The following TRANK1 variants were observed in gnomAD, a reference collection of about 807,000 sequenced individuals.
TRANK1 encodes the protein TPR and ankyrin repeat-containing protein 1.
In TRANK1, 198 loss-of-function variants were observed where a neutral mutation model predicts 266.0. That is an observed-to-expected ratio of 0.74 (90% confidence interval 0.66 to 0.84). The LOEUF (loss-of-function observed/expected upper bound fraction) is 0.84, where lower values mean the gene tolerates loss of function less well. Ranked by LOEUF, TRANK1 falls within the 40% of genes least tolerant of loss-of-function variation. The pLI is 0.00. For synonymous variants in TRANK1, 1,396 were observed against 1,384.1 expected, an observed-to-expected ratio of 1.01 and a Z score of -0.19; for missense variants, 3,326 against 3,634.6, an observed-to-expected ratio of 0.92 and a Z score of 2.18.
At chr3:36,927,142 T>C (rs1269566796) in intron 1 of TRANK1, among the ~76,000 whole-genome samples, 1 of 152,192 alleles carries the variant, frequency 6.6e-6, no homozygotes, top group Non-Finnish European at 1.5e-5. Flanking sequence ...CGACTCTGCC[T>C]AATTTAACTC....
At position 36,856,049 on chromosome 3, in the gene TRANK1, G is replaced by T; in HGVS notation, c.3673C>A (p.Leu1225Met). The T allele has an allele frequency of 6.2e-7, 1 of 1,613,874 alleles. No homozygotes were observed. Among genetic ancestry groups the T allele is most frequent in the African/African-American group, 1.3e-5 (1 of 74,998 alleles). Residue 1225 changes from leucine (L) to methionine (M), a missense_variant, in exon 13 of 24, where the codon CTG (leucine) becomes ATG (methionine). Coordinates refer to ENST00000645898, the MANE Select transcript of TRANK1 (RefSeq NM_001329998.2). ...STKATSHYKPLDPNIHKLQDL... is the reference protein window; with the variant it reads ...STKATSHYKPMDPNIHKLQDL... ...TGGAGTTTGTGAATGTTGGGGTCCA[G>T]TGGTTTGTAATGACTAGTGGCCTTG...
At chr3:36,888,057 G>C (rs1442781472) in intron 8 of TRANK1, among the ~76,000 whole-genome samples, 1 of 152,122 alleles carries the variant, frequency 6.6e-6, no homozygotes, top group Non-Finnish European at 1.5e-5. Context: ...ATTTACAGCA[G>C]CATTATTCAT....
intron 18 of TRANK1, 123 bp downstream of exon 18, chr3:36,842,499 A>G (rs914473728): frequency 1.2e-6 from 1 of 811,842 alleles, no homozygotes; most frequent in African/African-American, 1.7e-5. Flanking sequence ...ATGTTTCAGA[A>G]CACGTGGCAC....
intron 10 of TRANK1, 100 bp downstream of exon 10, chr3:36,864,219 A>G: frequency 7.8e-7 from 1 of 1,284,464 alleles, no homozygotes; most frequent in Non-Finnish European, 1.0e-6. Context: ...TAGATACATT[A>G]TTTTTATTTT....
intron 1 of TRANK1, among the ~76,000 whole-genome samples, chr3:36,918,919 A>AC (rs1205242532): frequency 6.6e-6 from 1 of 152,216 alleles, no homozygotes; most frequent in African/African-American, 2.4e-5. Context: ...GGCCCCGCTG[A>AC]CAAGATGACA....
In TRANK1 at chr3:36,857,865, G is replaced by A; in HGVS notation, c.1857C>T (p.Ile619=). 1.9e-6 allele frequency: 3 copies of A among 1,613,176 alleles called. No individual in the cohort carries two copies. The highest frequency in any genetic ancestry group is 2.5e-6 in the Non-Finnish European group (3 of 1,179,806). ...KLLDLLVKFD[I]NFNLKNKEGK... ...CCTCTTTGTTCTTCAGATTGAAGTTGATGTCAAACTTCACCAGCAGGTCTA... is the reference window on the plus strand; with the variant it reads ...CCTCTTTGTTCTTCAGATTGAAGTTAATGTCAAACTTCACCAGCAGGTCTA... Residue 619 remains isoleucine, a synonymous_variant, in exon 13 of 24, where the codon ATC becomes ATT. Coordinates refer to ENST00000645898, the MANE Select transcript of TRANK1 (RefSeq NM_001329998.2). The surrounding 1 kb of genome is among the most constrained non-coding windows in gnomAD (Gnocchi z 4.3).
intron 11 of TRANK1, among the ~76,000 whole-genome samples, chr3:36,859,443 T>C (rs1480141658): frequency 6.6e-6 from 1 of 152,080 alleles, no homozygotes; most frequent in Non-Finnish European, 1.5e-5. Context: ...TGACAGGCCC[T>C]GGTGTGTGAC....
At position 36,832,136 on chromosome 3, in the gene TRANK1, T is replaced by C. The variant is rs1243191316; in HGVS notation, c.7447A>G (p.Ile2483Val). 1 of 1,613,930 alleles carries C rather than the reference T, an allele frequency of 6.2e-7. No homozygotes were observed. The highest frequency in any genetic ancestry group is 8.5e-7 in the Non-Finnish European group (1 of 1,179,878). ...AACTCCCAGTAGTGCAAGAGTGCAA[T>C]GTAGCTCTTGGGGAGGCATAGAATG... Reference protein sequence around the residue: ...NVILCLPKSYIALLHYWEFLF... With the variant: ...NVILCLPKSYVALLHYWEFLF... Residue 2483 changes from isoleucine (I) to valine (V), a missense_variant, in exon 22 of 24, where the codon ATT becomes GTT. Coordinates refer to ENST00000645898, the MANE Select transcript of TRANK1 (RefSeq NM_001329998.2).
chr3:36,828,467 A>G (rs1448944975), intron 23 of TRANK1, 92 bp from the exon 24 acceptor site: 1 of 918,718 alleles, frequency 1.1e-6, no homozygotes, highest in Non-Finnish European at 1.7e-6. Context: ...GGAAAGGAGG[A>G]AGGGAGGAAG....
At chr3:36,899,880 A>G (rs181840642) in intron 3 of TRANK1, among the ~76,000 whole-genome samples, 2 of 152,258 alleles carry the variant, frequency 1.3e-5, no homozygotes, top group East Asian at 3.9e-4. Flanking sequence ...ATTGATTGAG[A>G]CAGGATCTTG....
intron 11 of TRANK1, among the ~76,000 whole-genome samples, chr3:36,860,620 C>A (rs751218497): frequency 6.6e-6 from 1 of 152,092 alleles, no homozygotes; most frequent in Non-Finnish European, 1.5e-5. Context: ...AGCCAAGGAC[C>A]CTTCACACAC....
intron 8 of TRANK1, among the ~76,000 whole-genome samples, chr3:36,877,689 T>C (rs1037584990): frequency 6.6e-6 from 1 of 152,222 alleles, no homozygotes; most frequent in Non-Finnish European, 1.5e-5. Context: ...TACCTACATT[T>C]ATATTTAAAA....
intron 18 of TRANK1, among the ~76,000 whole-genome samples, chr3:36,839,102 T>G (rs1195467053): frequency 6.6e-6 from 1 of 152,208 alleles, no homozygotes; most frequent in African/African-American, 2.4e-5. Flanking sequence ...GTGGCTCTTC[T>G]GGGCTTTGAC....
chr3:36,858,571 G>T (rs2079090905), intron 12 of TRANK1, 147 bp downstream of exon 12: 3 of 872,964 alleles, frequency 3.4e-6, no homozygotes, highest in African/African-American at 1.7e-5. Flanking sequence ...CAAGTGAGGG[G>T]CCAGGTGACA....
At chr3:36,883,987 G>T (rs1270624733) in intron 8 of TRANK1, among the ~76,000 whole-genome samples, 1 of 152,144 alleles carries the variant, frequency 6.6e-6, no homozygotes, top group Non-Finnish European at 1.5e-5. Context: ...AACATAAAGT[G>T]AATATAAATC....
intron 9 of TRANK1, among the ~76,000 whole-genome samples, chr3:36,865,934 A>G (rs1270121623): frequency 6.8e-6 from 1 of 146,388 alleles, no homozygotes; most frequent in South Asian, 2.3e-4. Context: ...GTCTCAAAAG[A>G]AAAAAAAGAG....
In TRANK1 at chr3:36,838,732, A is replaced by G; in HGVS notation, c.5281-16T>C. The G allele has an allele frequency of 6.2e-7, 1 of 1,609,092 alleles. No individual in the cohort carries two copies. Among genetic ancestry groups the G allele is most frequent in the Admixed American group, 1.7e-5 (1 of 59,312 alleles). On this transcript the variant is annotated splice_polypyrimidine_tract_variant and intron_variant, in intron 18 of 23. Coordinates refer to ENST00000645898, the MANE Select transcript of TRANK1 (RefSeq NM_001329998.2). ...TGGCTGCAACCTGGAATAGGCAAAA[A>G]GTTTTATTCCCAGCAAGGTAATGGA...
At chr3:36,873,750 C>A (rs183894751) in intron 9 of TRANK1, among the ~76,000 whole-genome samples, 2 of 151,810 alleles carry the variant, frequency 1.3e-5, no homozygotes, top group African/African-American at 2.4e-5. Context: ...TAGAGATGTA[C>A]GTGTATTTTA....
rs2078686890 is a variant in TRANK1, at chr3:36,831,088, A to G, written c.8495T>C (p.Val2832Ala). 1 of 1,613,966 alleles carries G rather than the reference A, an allele frequency of 6.2e-7. No individual in the cohort carries two copies. The highest frequency in any genetic ancestry group is 8.5e-7 in the Non-Finnish European group (1 of 1,179,890). Residue 2832 changes from valine (V) to alanine (A), a missense_variant, in exon 22 of 24, where the codon GTG becomes GCG. Coordinates refer to ENST00000645898, the MANE Select transcript of TRANK1 (RefSeq NM_001329998.2). This position sits in a 1 kb window ranked among gnomAD's most constrained non-coding sequence, Gnocchi z 5.0. ...IHLEHHQRQQ[V>A]AYQKYSEFFH... ...AAATTCTGAGTATTTCTGGTAGGCC[A>G]CTTGCTGCCTCTGGTGGTGTTCTAG...
Sources: allele counts gnomAD v4.1 joint callset (sites outside exome capture counted in the v4.1 genomes callset), GRCh38; gene constraint gnomAD v4.1.1; non-coding constraint Gnocchi (gnomAD v3.1); transcripts MANE v1.5; gene names NCBI Gene and HGNC (gene_info 2026-07-23, HGNC 2026-07-21).